DNAH11: variants seen among roughly 807,000 people sequenced by gnomAD.
The protein encoded by DNAH11 is axonemal beta dynein heavy chain 11.
DNAH11 carries 442 observed loss-of-function variants against 526.0 expected under a neutral mutation model. That is an observed-to-expected ratio of 0.84 (90% confidence interval 0.78 to 0.91). The LOEUF is 0.91. Ranked by LOEUF, DNAH11 falls within the 40% of genes least tolerant of loss-of-function variation. The probability of loss-of-function intolerance (pLI) is 0.00; values close to 1 mark genes in which losing one functional copy is unlikely to be tolerated. For missense variants in DNAH11, 6,989 were observed against 5,448.7 expected, an observed-to-expected ratio of 1.28 and a Z score of -8.90; for synonymous variants, 2,461 against 1,935.9, an observed-to-expected ratio of 1.27 and a Z score of -7.12.
At chr7:21,548,046 A>G (rs1583471336) in intron 2 of DNAH11, among the ~76,000 whole-genome samples, 2 of 152,182 alleles carry the variant, frequency 1.3e-5, no homozygotes, top group African/African-American at 4.8e-5. Flanking sequence ...AGATGTAAGG[A>G]TTGAACCTAT....
In DNAH11 at chr7:21,591,558, A is replaced by G. The variant is rs1163304291; in HGVS notation, c.2648A>G (p.Lys883Arg). Residue 883 changes from lysine to arginine, a missense_variant, in exon 14 of 82, where the codon AAG becomes AGG. Lys to Arg is a conservative substitution (Grantham distance 26). Transcript: ENST00000409508. ...KYKLIQGDGC[K>R]IHNLVEENRK... ...AAGTTAATCCAAGGAGATGGCTGCAAGATCCACAACTTGGTCGAGGTAATG... is the reference window on the plus strand; with the variant it reads ...AAGTTAATCCAAGGAGATGGCTGCAGGATCCACAACTTGGTCGAGGTAATG... 2.5e-6 allele frequency: 4 copies of G among 1,576,498 alleles called. No homozygotes were observed. Among genetic ancestry groups the G allele is most frequent in the Admixed American group, 1.7e-5 (1 of 57,160 alleles).
chr7:21,560,968 C>A, intron 4 of DNAH11, 103 bp from the exon 5 acceptor site: 2 of 794,216 alleles, frequency 2.5e-6, no homozygotes, highest in South Asian at 3.3e-5. Flanking sequence ...AATACTGTAT[C>A]ACTTGTGAGT....
At chr7:21,807,774 G>C in intron 62 of DNAH11, 109 bp from the exon 63 acceptor site, 1 of 1,007,320 alleles carries the variant, frequency 9.9e-7, no homozygotes, top group East Asian at 2.7e-5. Flanking sequence ...GTTCCTTATA[G>C]TGACTGTGTG....
rs961327027 is a variant in DNAH11, at chr7:21,704,469, C to T, written c.6309C>T (p.Pro2103=). 1.2e-6 allele frequency: 2 copies of T among 1,613,484 alleles called. No individual in the cohort carries two copies. Among genetic ancestry groups the T allele is most frequent in the South Asian group, 2.2e-5 (2 of 91,010 alleles). Residue 2103 remains proline, a synonymous_variant, in exon 38 of 82, where the codon CCC becomes CCT. Coordinates refer to ENST00000409508, the MANE Select transcript of DNAH11 (RefSeq NM_001277115.2). The stretch of plus-strand genomic sequence containing the variant: ...GAGCATTAAGGGATTTCAATATGCC[C>T]AAAATAGTGACTGACGACATCCCAG... ...LMRALRDFNM[P]KIVTDDIPVF...
chr7:21,575,233 C>T (rs2128438581), intron 8 of DNAH11, among the ~76,000 whole-genome samples: 1 of 152,280 alleles, frequency 6.6e-6, no homozygotes, highest in East Asian at 1.9e-4. Flanking sequence ...GTTGCATCCT[C>T]ATTGAAATGA....
intron 70 of DNAH11, 150 bp from the exon 71 acceptor site, chr7:21,866,320 C>CAAAAA (rs35623271): frequency 2.9e-5 from 13 of 455,990 alleles, no homozygotes; most frequent in Non-Finnish European, 3.1e-5. Flanking sequence ...CTCAGCAGAG[C>CAAAAA]AAAAAAAAAA....
At chr7:21,581,788 T>G in intron 8 of DNAH11, 117 bp from the exon 9 acceptor site, 1 of 647,552 alleles carries the variant, frequency 1.5e-6, no homozygotes, top group Non-Finnish European at 2.7e-6. Context: ...AAAAATAAAT[T>G]CACTCAGAGA....
intron 65 of DNAH11, among the ~76,000 whole-genome samples, chr7:21,836,561 C>A (rs951286155): frequency 6.6e-6 from 1 of 152,022 alleles, no homozygotes; most frequent in Non-Finnish European, 1.5e-5. Context: ...TGAAACTAGA[C>A]CCCTGTTTAT....
At chr7:21,800,657 T>G (rs1271841825) in intron 61 of DNAH11, among the ~76,000 whole-genome samples, 1 of 152,090 alleles carries the variant, frequency 6.6e-6, no homozygotes, top group Non-Finnish European at 1.5e-5. Context: ...AAAATCCGAT[T>G]GGCGAAGCTG....
At chr7:21,599,453 G>A (rs1024369787) in intron 14 of DNAH11, among the ~76,000 whole-genome samples, 1 of 152,204 alleles carries the variant, frequency 6.6e-6, no homozygotes, top group Non-Finnish European at 1.5e-5. Context: ...AGGACACAGA[G>A]TTAGTGACAG....
At chr7:21,597,133 G>GCCTGAAAGGGA (rs1784891276) in intron 14 of DNAH11, among the ~76,000 whole-genome samples, 1 of 151,718 alleles carries the variant, frequency 6.6e-6, no homozygotes, top group Non-Finnish European at 1.5e-5. Flanking sequence ...GGAATATTGG[G>GCCTGAAAGGGA]CCTGAGTGAT....
rs986085961 is a variant in DNAH11 at position 21,789,427 on chromosome 7, A to T, written c.10026+85A>T. On this transcript the variant is annotated intron_variant, in intron 61 of 81. Coordinates refer to ENST00000409508, the MANE Select transcript of DNAH11 (RefSeq NM_001277115.2). ...GGATTCCACCCTCAGACAGCACCAT[A>T]TCTGAGCCCTATCAAGCAGAAAGGA... 3 of 783,478 alleles carry T rather than the reference A, an allele frequency of 3.8e-6. No homozygotes were observed. The African/African-American group carries it at 5.3e-5, about 14-fold the overall frequency. 48.5% of individuals were successfully genotyped at this position (783,478 alleles called of 1,614,324 possible).
chr7:21,800,452 C>G (rs189831847), intron 61 of DNAH11, among the ~76,000 whole-genome samples: 3 of 152,018 alleles, frequency 2.0e-5, no homozygotes, highest in African/African-American at 7.2e-5. Flanking sequence ...GCCAACATGG[C>G]GAAACCTCAT....
intron 9 of DNAH11, among the ~76,000 whole-genome samples, chr7:21,585,643 T>TA (rs1351312213): frequency 6.6e-6 from 1 of 152,030 alleles, no homozygotes; most frequent in Non-Finnish European, 1.5e-5. Context: ...CCGAAGTGTG[T>TA]AAAAAAAATT....
In DNAH11 at chr7:21,742,223, G is replaced by A. The variant is rs1348529856; in HGVS notation, c.8154+57G>A. The A allele has an allele frequency of 3.2e-6, 5 of 1,556,900 alleles. No homozygotes were observed. The African/African-American group carries it at 6.8e-5, about 21-fold the overall frequency. On this transcript the variant is annotated intron_variant, in intron 49 of 81. Transcript: ENST00000409508. ...AGTAGAGAAATAATGATAATACTAT[G>A]TATTAGCCCATTTTTTATGTCACTA...
In DNAH11 at chr7:21,822,557, T is replaced by C. The variant is rs75300034; in HGVS notation, c.10691+4218T>C. 6.0e-3 allele frequency among the ~76,000 whole-genome samples: 908 copies of C among 152,304 alleles called. 5 individuals carry two copies. Among genetic ancestry groups the C allele is most frequent in the African/African-American group, 0.02 (850 of 41,564 alleles). On this transcript the variant is annotated intron_variant, in intron 65 of 81. Coordinates refer to ENST00000409508, the MANE Select transcript of DNAH11 (RefSeq NM_001277115.2). ...GTTGGACACTCAAAAGGGTTTCTTA[T>C]CTAGGTTATTGTGAATATTGCTGCA...
chr7:21,741,346 A>G (rs1477529402), intron 48 of DNAH11, among the ~76,000 whole-genome samples: 4 of 152,214 alleles, frequency 2.6e-5, no homozygotes, highest in Non-Finnish European at 4.4e-5. Flanking sequence ...TTATCCATTC[A>G]TCTACTGAAG....
At chr7:21,824,602 A>G (rs1196404408) in intron 65 of DNAH11, among the ~76,000 whole-genome samples, 1 of 152,220 alleles carries the variant, frequency 6.6e-6, no homozygotes, top group African/African-American at 2.4e-5. Flanking sequence ...AAGCACATGA[A>G]AATATGCTCA....
In DNAH11 at chr7:21,558,716, T is replaced by C. The variant is rs1256839876; in HGVS notation, c.496-86T>C. ...ATTGGATATTTATGAAATTGGACAG[T>C]TTTGTTGCCAATTTTGTACGACAAG... is the stretch of plus-strand genomic sequence containing the variant. On this transcript the variant is annotated intron_variant, in intron 2 of 81. Transcript: ENST00000409508. 11 of 1,042,994 alleles carry C rather than the reference T, an allele frequency of 1.1e-5. No homozygotes were observed. The East Asian group carries it at 2.3e-4, about 22-fold the overall frequency. The allele number at this position is 1,042,994 out of a possible 1,614,324, so 64.6% of individuals were successfully genotyped here.
Sources: gnomAD v4.1 joint callset for allele counts (sites outside exome capture counted in the v4.1 genomes callset) on GRCh38, gnomAD v4.1.1 for gene constraint, MANE v1.5 for transcripts, NCBI Gene and HGNC (gene_info 2026-07-23, HGNC 2026-07-21) for gene names.